Variants in XIRP2 observed in about 807,000 individuals in gnomAD.
XIRP2 encodes the protein xin actin binding repeat containing 2.
In XIRP2, 236 loss-of-function variants were observed where a neutral mutation model predicts 277.0. The observed-to-expected ratio is 0.85, with a 90% CI of 0.77 to 0.95. The LOEUF (loss-of-function observed/expected upper bound fraction) is 0.95, where lower values mean the gene tolerates loss of function less well. XIRP2 is among the 40% of genes least tolerant of loss of function. XIRP2 has a pLI of 0.00. For synonymous variants in XIRP2, 1,490 were observed against 1,416.5 expected (o/e 1.05, Z -1.17); for missense variants, 4,640 against 4,157.5 (o/e 1.12, Z -3.19).
chr2:167,024,563 C>T (rs1340281114), intron 2 of XIRP2, among the ~76,000 whole-genome samples: 1 of 152,030 alleles, frequency 6.6e-6, no homozygotes, highest in Admixed American at 6.6e-5. Flanking sequence ...CAGTTTTTGC[C>T]CATTCAGTAT....
intron 2 of XIRP2, among the ~76,000 whole-genome samples, chr2:166,911,061 A>T (rs1157436704): frequency 6.6e-6 from 1 of 152,064 alleles, no homozygotes; most frequent in African/African-American, 2.4e-5. Flanking sequence ...AATAAGTGTG[A>T]TGTGGTGCTG....
intron 2 of XIRP2, among the ~76,000 whole-genome samples, chr2:167,010,893 A>C (rs1365725754): frequency 6.6e-6 from 1 of 152,186 alleles, no homozygotes; most frequent in East Asian, 1.9e-4. Context: ...GTGTATAAGA[A>C]TGCTTGTGAT....
At chr2:166,919,861 A>G (rs1684990650) in intron 2 of XIRP2, among the ~76,000 whole-genome samples, 1 of 152,204 alleles carries the variant, frequency 6.6e-6, no homozygotes, top group African/African-American at 2.4e-5. Flanking sequence ...CTGCACATAT[A>G]TCATTTAAAA....
chr2:167,028,057 A>G (rs1250406198), intron 2 of XIRP2, among the ~76,000 whole-genome samples: 1 of 152,118 alleles, frequency 6.6e-6, no homozygotes, highest in Non-Finnish European at 1.5e-5. Flanking sequence ...CCTTACATTA[A>G]CTCTACTTCT....
chr2:167,045,449 T>A (rs1401112074), intron 2 of XIRP2, among the ~76,000 whole-genome samples: 2 of 151,964 alleles, frequency 1.3e-5, no homozygotes, highest in Admixed American at 6.6e-5. Flanking sequence ...GAAACTATCA[T>A]GACCGAGTAA....
At chr2:167,242,456 C>G in intron 8 of XIRP2, 113 bp from the exon 9 acceptor site, 4 of 1,081,112 alleles carry the variant, frequency 3.7e-6, no homozygotes, top group Non-Finnish European at 5.4e-6. Context: ...ACATATTGTT[C>G]CCAATGGAGA....
At chr2:166,922,873 T>G (rs1405352976) in intron 2 of XIRP2, among the ~76,000 whole-genome samples, 1 of 151,504 alleles carries the variant, frequency 6.6e-6, no homozygotes, top group Non-Finnish European at 1.5e-5. Flanking sequence ...TATTGCAGAT[T>G]TTACTTAGTG....
At chr2:167,027,186 G>C (rs1219665087) in intron 2 of XIRP2, among the ~76,000 whole-genome samples, 2 of 152,010 alleles carry the variant, frequency 1.3e-5, no homozygotes, top group Non-Finnish European at 2.9e-5. Flanking sequence ...TATATTTCTT[G>C]GAGGCTTTGT....
chr2:167,014,380 TAAC>T (rs1185237442), intron 2 of XIRP2, among the ~76,000 whole-genome samples: 1 of 151,734 alleles, frequency 6.6e-6, no homozygotes, highest in African/African-American at 2.4e-5. Context: ...GATTGAGGTA[TAAC>T]AACAGAGAAA....
At chr2:167,112,805 C>G (rs1355403824) in intron 2 of XIRP2, among the ~76,000 whole-genome samples, 4 of 151,920 alleles carry the variant, frequency 2.6e-5, no homozygotes, top group Non-Finnish European at 5.9e-5. Context: ...GTGTGTGCCA[C>G]CACACCCAGC....
chr2:166,915,926 A>G (rs1684863139), intron 2 of XIRP2, among the ~76,000 whole-genome samples: 1 of 152,236 alleles, frequency 6.6e-6, no homozygotes, highest in Non-Finnish European at 1.5e-5. Context: ...AGGAAGCACC[A>G]TCACCATATA....
At chr2:167,069,042 A>C (rs1284815227) in intron 2 of XIRP2, among the ~76,000 whole-genome samples, 1 of 152,152 alleles carries the variant, frequency 6.6e-6, no homozygotes, top group Non-Finnish European at 1.5e-5. Flanking sequence ...GGATACCATG[A>C]ATACCAATGT....
intron 2 of XIRP2, among the ~76,000 whole-genome samples, chr2:167,072,779 A>G (rs1689467406): frequency 1.3e-5 from 2 of 152,174 alleles, no homozygotes; most frequent in Admixed American, 6.5e-5. Context: ...TTTACATTAG[A>G]TTTTGCTAAC....
chr2:166,935,495 T>C (rs1685470543), intron 2 of XIRP2, among the ~76,000 whole-genome samples: 1 of 151,048 alleles, frequency 6.6e-6, no homozygotes, highest in Non-Finnish European at 1.5e-5. Flanking sequence ...GCATGTGCCA[T>C]GTTGGTATGC....
chr2:167,106,335 A>G (rs1330396412), intron 2 of XIRP2, among the ~76,000 whole-genome samples: 1 of 151,730 alleles, frequency 6.6e-6, no homozygotes, highest in African/African-American at 2.4e-5. Flanking sequence ...ATCAATTCTT[A>G]GTTAATTTTT....
intron 3 of XIRP2, among the ~76,000 whole-genome samples, chr2:167,203,313 C>T (rs1693772770): frequency 6.6e-6 from 1 of 152,134 alleles, no homozygotes; most frequent in Non-Finnish European, 1.5e-5. Context: ...AGAATACTAG[C>T]TAGGACAGAC....
intron 2 of XIRP2, among the ~76,000 whole-genome samples, chr2:166,933,645 G>A (rs1685412581): frequency 6.6e-6 from 1 of 151,970 alleles, no homozygotes; most frequent in South Asian, 2.1e-4. Context: ...GCATGTTTGT[G>A]TGTGTGTGTG....
At chr2:166,904,051 A>G (rs1005706798) in intron 2 of XIRP2, among the ~76,000 whole-genome samples, 161 bp downstream of exon 2, 1 of 151,832 alleles carries the variant, frequency 6.6e-6, no homozygotes, top group Non-Finnish European at 1.5e-5. Flanking sequence ...TCTCCTATTA[A>G]TTTTCTCTAA....
At chr2:167,100,692 A>G (rs891939329) in intron 2 of XIRP2, among the ~76,000 whole-genome samples, 1 of 152,194 alleles carries the variant, frequency 6.6e-6, no homozygotes, top group African/African-American at 2.4e-5. Context: ...TGCCTGAGTA[A>G]TTGCTCGTGA....
Sources: allele counts gnomAD v4.1 joint callset (sites outside exome capture counted in the v4.1 genomes callset), GRCh38; gene constraint gnomAD v4.1.1; transcripts MANE v1.5; gene names NCBI Gene and HGNC (gene_info 2026-07-23, HGNC 2026-07-21).